Variants in SEC11A observed in about 807,000 individuals in gnomAD.
The protein encoded by SEC11A is signal peptidase complex catalytic subunit SEC11A.
SEC11A carries 14 observed loss-of-function variants against 25.6 expected under a neutral mutation model. The ratio of observed to expected loss-of-function variants is 0.55; its 90% CI spans 0.36 to 0.85. The LOEUF (loss-of-function observed/expected upper bound fraction) is 0.85. Among genes scored for constraint, SEC11A ranks in the 40% least tolerant of loss-of-function variants. The pLI is 0.01. For synonymous variants in SEC11A, 83 were observed against 76.4 expected (o/e 1.09, Z -0.45); for missense variants, 153 against 222.9 (o/e 0.69, Z 2.00).
At chr15:84,715,984 G>T in intron 1 of SEC11A, 41 bp downstream of exon 1, 2 of 1,601,684 alleles carry the variant, frequency 1.2e-6, no homozygotes, top group South Asian at 2.2e-5. Flanking sequence ...GCCTCGAAGG[G>T]ACAAGAAGAG....
At chr15:84,708,428 T>G (rs549461829) in intron 1 of SEC11A, among the ~76,000 whole-genome samples, 67 of 152,064 alleles carry the variant, frequency 4.4e-4, no homozygotes, top group Non-Finnish European at 8.5e-4. Flanking sequence ...TCAAAAAAAG[T>G]AGTGGCTTTA....
At chr15:84,715,633 C>G (rs1466250667) in intron 1 of SEC11A, among the ~76,000 whole-genome samples, 1 of 152,142 alleles carries the variant, frequency 6.6e-6, no homozygotes, top group African/African-American at 2.4e-5. Flanking sequence ...CCCCAGAAAC[C>G]GGCTAAACCT....
chr15:84,705,601 T>A (rs1306050678), intron 1 of SEC11A, among the ~76,000 whole-genome samples: 1 of 151,930 alleles, frequency 6.6e-6, no homozygotes, highest in Non-Finnish European at 1.5e-5. Flanking sequence ...ACACCTGTAA[T>A]CCCAGCACTT....
chr15:84,678,237 GA>G (rs1197980716), intron 4 of SEC11A, among the ~76,000 whole-genome samples: 4 of 144,258 alleles, frequency 2.8e-5, no homozygotes, highest in Admixed American at 6.9e-5. Flanking sequence ...AAAAAGAAAA[GA>G]AAAAAAAAAG....
chr15:84,697,876 T>C (rs1382821251), intron 1 of SEC11A, among the ~76,000 whole-genome samples: 2 of 152,240 alleles, frequency 1.3e-5, no homozygotes, highest in African/African-American at 2.4e-5. Flanking sequence ...AATAGCCTTA[T>C]TATTTTTTCT....
intron 4 of SEC11A, among the ~76,000 whole-genome samples, chr15:84,677,379 A>G (rs1897162419): frequency 6.6e-6 from 1 of 151,874 alleles, no homozygotes; most frequent in Non-Finnish European, 1.5e-5. Flanking sequence ...CTAGACTATT[A>G]CATTTTTTTA....
At chr15:84,682,152 T>C (rs534503414) in intron 3 of SEC11A, among the ~76,000 whole-genome samples, 6 of 152,106 alleles carry the variant, frequency 3.9e-5, no homozygotes, top group South Asian at 4.2e-4. Flanking sequence ...ACAGGGATGA[T>C]AGATACATGG....
intron 1 of SEC11A, among the ~76,000 whole-genome samples, chr15:84,712,061 C>A (rs981707137): frequency 6.6e-6 from 1 of 151,736 alleles, no homozygotes; most frequent in African/African-American, 2.4e-5. Flanking sequence ...GGCAGAATAG[C>A]GAGACTCCAT....
At chr15:84,679,834 G>T in intron 4 of SEC11A, 1 of 808,554 alleles carries the variant, frequency 1.2e-6, no homozygotes, top group South Asian at 1.8e-5. Flanking sequence ...ATGAGTCTCT[G>T]GTACACAATA....
chr15:84,704,288 G>A (rs67307573), intron 1 of SEC11A, among the ~76,000 whole-genome samples: 3 of 152,078 alleles, frequency 2.0e-5, no homozygotes, highest in Admixed American at 6.6e-5. Context: ...CTGACAGGGG[G>A]ACTTACTTTA....
intron 4 of SEC11A, among the ~76,000 whole-genome samples, chr15:84,675,985 C>T (rs992353525): frequency 6.6e-6 from 1 of 151,988 alleles, no homozygotes; most frequent in South Asian, 2.1e-4. Context: ...AGTGGCTGTC[C>T]GAGGCTACAG....
intron 1 of SEC11A, among the ~76,000 whole-genome samples, chr15:84,713,209 A>G (rs901319451): frequency 6.6e-5 from 10 of 151,850 alleles, no homozygotes; most frequent in Non-Finnish European, 1.5e-4. Flanking sequence ...AAAAAAAAAA[A>G]CACTTATCAA....
intron 1 of SEC11A, among the ~76,000 whole-genome samples, chr15:84,715,658 C>T (rs1898438756): frequency 6.6e-6 from 1 of 152,202 alleles, no homozygotes; most frequent in African/African-American, 2.4e-5. Flanking sequence ...TCTCCCGAAA[C>T]CACCTGGAGT....
chr15:84,688,669 C>T (rs1162227443), intron 2 of SEC11A, among the ~76,000 whole-genome samples: 1 of 152,156 alleles, frequency 6.6e-6, no homozygotes, highest in Non-Finnish European at 1.5e-5. Context: ...GACTCTCTTC[C>T]CTCTATGTAA....
chr15:84,695,843 G>A (rs1897752290), intron 1 of SEC11A, among the ~76,000 whole-genome samples: 1 of 152,126 alleles, frequency 6.6e-6, no homozygotes, highest in Admixed American at 6.6e-5. Context: ...ACAAGAAACT[G>A]GAGAAAAGGA....
At chr15:84,671,245 C>T (rs1222228383) in intron 4 of SEC11A, 1 of 152,270 alleles carries the variant, frequency 6.6e-6, no homozygotes, top group Non-Finnish European at 1.5e-5. Flanking sequence ...GATTTCACCA[C>T]CTTCTCATTT....
At chr15:84,688,527 G>A (rs748898034) in intron 2 of SEC11A, among the ~76,000 whole-genome samples, 2 of 152,176 alleles carry the variant, frequency 1.3e-5, no homozygotes, top group Non-Finnish European at 2.9e-5. Context: ...TATCTATAAA[G>A]AAGTAGCCCA....
intron 3 of SEC11A, 97 bp from the exon 4 acceptor site, chr15:84,680,929 G>T: frequency 9.6e-7 from 1 of 1,044,374 alleles, no homozygotes; most frequent in Non-Finnish European, 1.4e-6. Context: ...GTGGCACTGG[G>T]GTATCTTTTC....
At chr15:84,710,444 G>A (rs928120585) in intron 1 of SEC11A, among the ~76,000 whole-genome samples, 2 of 152,102 alleles carry the variant, frequency 1.3e-5, no homozygotes, top group African/African-American at 2.4e-5. Context: ...GACCAGCCTG[G>A]TCAACATGGT....
Sources: allele counts gnomAD v4.1 joint callset (sites outside exome capture counted in the v4.1 genomes callset), GRCh38; gene constraint gnomAD v4.1.1; transcripts MANE v1.5; gene names NCBI Gene and HGNC (gene_info 2026-07-23, HGNC 2026-07-21).